The following STRBP variants were observed in gnomAD, a reference collection of about 807,000 sequenced individuals.
The protein encoded by STRBP is spermatid perinuclear RNA binding protein.
STRBP carries 13 observed loss-of-function variants against 80.1 expected under a neutral mutation model. The observed-to-expected ratio is 0.16, with a 90% CI of 0.11 to 0.26. The LOEUF is 0.26. Ranked by LOEUF, STRBP falls within the 10% of genes least tolerant of loss-of-function variation. STRBP has a pLI of 1.00. For missense variants in STRBP, 485 were observed against 815.2 expected (o/e 0.59, Z 4.93); for synonymous variants, 284 against 291.2 (o/e 0.98, Z 0.25).
intron 5 of STRBP, among the ~76,000 whole-genome samples, chr9:123,172,736 T>G (rs937837864): frequency 2.6e-5 from 4 of 151,958 alleles, no homozygotes; most frequent in African/African-American, 9.7e-5. Context: ...CTAGTGAATA[T>G]GAAAGAAAAT....
At chr9:123,173,647 C>T (rs559605719) in intron 5 of STRBP, 30 bp downstream of exon 5, 19 of 1,563,052 alleles carry the variant, frequency 1.2e-5, no homozygotes, top group African/African-American at 4.2e-5. Context: ...TTTACAAATT[C>T]GCCTAGAGGT....
At chr9:123,245,324 C>T (rs2040777656) in intron 1 of STRBP, among the ~76,000 whole-genome samples, 1 of 152,208 alleles carries the variant, frequency 6.6e-6, no homozygotes, top group South Asian at 2.1e-4. Context: ...GGTAGCATCC[C>T]AAACCAATTA....
intron 2 of STRBP, among the ~76,000 whole-genome samples, chr9:123,209,192 T>C (rs1196587547): frequency 1.3e-5 from 2 of 152,206 alleles, no homozygotes; most frequent in Non-Finnish European, 2.9e-5. Context: ...GAAGTCTTAG[T>C]CAATAAACAT....
intron 16 of STRBP, among the ~76,000 whole-genome samples, chr9:123,133,386 G>T (rs553277610): frequency 6.6e-6 from 1 of 152,088 alleles, no homozygotes; most frequent in South Asian, 2.1e-4. Context: ...TGGGGCTAGT[G>T]GGGGGAAAAC....
chr9:123,122,768 A>T lies in STRBP; in HGVS notation c.*2829T>A, dbSNP rs1028415143. ...TGAGAAATTATAGTAACGCTAACTG[A>T]CGCAGTCAGGAATGTAACTATTTAT... On this transcript the variant is annotated 3_prime_UTR_variant, in exon 19 of 19. Coordinates refer to ENST00000348403, the MANE Select transcript of STRBP (RefSeq NM_018387.5). The T allele has an allele frequency of 8.1e-6, 8 of 992,554 alleles. No individual in the cohort carries two copies. The highest frequency in any genetic ancestry group is 3.5e-5 in the African/African-American group (2 of 57,308). The allele number at this position is 992,554 out of a possible 1,614,324, so 61.5% of individuals were successfully genotyped here. A position where few individuals can be genotyped will look rare whatever the true frequency, so the allele number is the denominator to read the frequency against.
At chr9:123,202,146 C>T (rs987231749) in intron 2 of STRBP, among the ~76,000 whole-genome samples, 1 of 152,150 alleles carries the variant, frequency 6.6e-6, no homozygotes, top group African/African-American at 2.4e-5. Context: ...TTGAAGACAG[C>T]AGATATTTGG....
intron 1 of STRBP, among the ~76,000 whole-genome samples, chr9:123,241,418 AGG>A (rs1485596001): frequency 6.6e-6 from 1 of 151,956 alleles, no homozygotes; most frequent in Non-Finnish European, 1.5e-5. Context: ...CTGAGGTGGG[AGG>A]GTCACTTGAG....
intron 17 of STRBP, among the ~76,000 whole-genome samples, chr9:123,130,267 G>A (rs949814310): frequency 6.6e-6 from 1 of 152,146 alleles, no homozygotes; most frequent in African/African-American, 2.4e-5. Flanking sequence ...AGTCCCTGCT[G>A]CACAGAATAT....
chr9:123,178,782 T>A (rs1028870128), intron 4 of STRBP, among the ~76,000 whole-genome samples: 3 of 152,198 alleles, frequency 2.0e-5, no homozygotes, highest in Non-Finnish European at 4.4e-5. Context: ...AAAGGGATCC[T>A]AAGCAGGTCC....
chr9:123,153,461 G>C (rs1370669880), intron 11 of STRBP, among the ~76,000 whole-genome samples: 1 of 152,158 alleles, frequency 6.6e-6, no homozygotes, highest in Non-Finnish European at 1.5e-5. Flanking sequence ...AAAGTGCTGG[G>C]ATTACAGGTG....
chr9:123,124,793 T>C lies in STRBP; in HGVS notation c.*804A>G. 1 of 985,446 alleles carries C rather than the reference T, an allele frequency of 1.0e-6. No individual in the cohort carries two copies. Among genetic ancestry groups the C allele is most frequent in the Non-Finnish European group, 1.2e-6 (1 of 829,928 alleles). 61.0% of individuals were successfully genotyped at this position (985,446 alleles called of 1,614,324 possible). ...CACATTCTCCTTCCCCATCTCTGGG[T>C]AGTGCCATCATTTTAATAAGCAATG... On this transcript the variant is annotated 3_prime_UTR_variant, in exon 19 of 19. Transcript: ENST00000348403.
At chr9:123,224,235 T>C (rs1420181243) in intron 2 of STRBP, among the ~76,000 whole-genome samples, 3 of 152,248 alleles carry the variant, frequency 2.0e-5, no homozygotes, top group African/African-American at 4.8e-5. Flanking sequence ...TTGTCTAATC[T>C]TGTCTCCAAT....
chr9:123,196,190 A>G (rs2039084172), intron 2 of STRBP, among the ~76,000 whole-genome samples: 1 of 152,188 alleles, frequency 6.6e-6, no homozygotes, highest in Non-Finnish European at 1.5e-5. Flanking sequence ...GAAGGAAATT[A>G]GACCCCTATC....
intron 1 of STRBP, among the ~76,000 whole-genome samples, chr9:123,256,018 C>CTTTTTTTTTTTTTGTTTTTTTTTT (rs2041020915): frequency 1.4e-5 from 1 of 71,490 alleles, no homozygotes. Context: ...TCCTTTCTTT[C>CTTTTTTTTTTTTTGTTTTTTTTTT]TTTTTTTTTT....
At position 123,132,865 on chromosome 9, in the gene STRBP, G is replaced by A; in HGVS notation, c.1877C>T (p.Ala626Val). 6.2e-7 allele frequency: 1 copy of A among 1,614,108 alleles called. No individual in the cohort carries two copies. Among genetic ancestry groups the A allele is most frequent in the Non-Finnish European group, 8.5e-7 (1 of 1,179,988 alleles). Residue 626 changes from alanine to valine, a missense_variant, in exon 17 of 19, where the codon GCT becomes GTT. Physicochemically the swap from Ala to Val is moderately conservative, Grantham distance 64. Transcript: ENST00000348403. ...TRGAFVGATA[A>V]PGYIAPGYGT... is the part of the protein sequence containing the mutation. ...TATACCTGGAGCTATGTAGCCAGGAGCAGCTGTCGCCCCAACAAAAGCTCC... is the reference window on the plus strand; with the variant it reads ...TATACCTGGAGCTATGTAGCCAGGAACAGCTGTCGCCCCAACAAAAGCTCC...
chr9:123,139,496 G>A (rs980378206), intron 14 of STRBP, 33 bp downstream of exon 14: 1 of 1,516,086 alleles, frequency 6.6e-7, no homozygotes, highest in African/African-American at 1.4e-5. Context: ...GCACATATAT[G>A]TTATTTTTTT....
chr9:123,164,886 T>C (rs1343211247), intron 6 of STRBP, among the ~76,000 whole-genome samples: 1 of 152,106 alleles, frequency 6.6e-6, no homozygotes, highest in African/African-American at 2.4e-5. Flanking sequence ...AGCAATAAGG[T>C]AGAACAGAGA....
intron 4 of STRBP, among the ~76,000 whole-genome samples, chr9:123,175,552 T>C (rs1223964873): frequency 6.6e-6 from 1 of 152,178 alleles, no homozygotes; most frequent in Non-Finnish European, 1.5e-5. Flanking sequence ...GGTATAAATA[T>C]AGAAATAAAA....
intron 2 of STRBP, among the ~76,000 whole-genome samples, chr9:123,191,596 T>C (rs991757153): frequency 2.0e-5 from 3 of 152,186 alleles, no homozygotes; most frequent in African/African-American, 4.8e-5. Flanking sequence ...AACAAATGGG[T>C]GTGGCTCTGT....
Sources: allele counts gnomAD v4.1 joint callset (sites outside exome capture counted in the v4.1 genomes callset), GRCh38; gene constraint gnomAD v4.1.1; transcripts MANE v1.5; gene names NCBI Gene and HGNC (gene_info 2026-07-23, HGNC 2026-07-21).